Variants in GCSAML observed in about 807,000 individuals in gnomAD.
GCSAML encodes the protein germinal center associated signaling and motility like.
In GCSAML, 9 loss-of-function variants were observed where a neutral mutation model predicts 13.0. The ratio of observed to expected loss-of-function variants is 0.69; its 90% CI spans 0.42 to 1.21. GCSAML has a LOEUF of 1.21. GCSAML is among the 50% of genes most tolerant of loss of function. The pLI, the probability that GCSAML is intolerant of heterozygous loss-of-function variation, is 0.00. For missense variants in GCSAML, 143 were observed against 153.4 expected, an observed-to-expected ratio of 0.93 and a Z score of 0.36; for synonymous variants, 37 against 52.9, an observed-to-expected ratio of 0.70 and a Z score of 1.31.
chr1:247,521,511 C>T (rs1666425264), intron 1 of GCSAML, among the ~76,000 whole-genome samples: 1 of 152,160 alleles, frequency 6.6e-6, no homozygotes, highest in South Asian at 2.1e-4. Flanking sequence ...CTGCCCAGTG[C>T]CTGGGATTGC....
At chr1:247,555,299 C>T (rs1485691386) in intron 1 of GCSAML, among the ~76,000 whole-genome samples, 1 of 152,106 alleles carries the variant, frequency 6.6e-6, no homozygotes, top group Non-Finnish European at 1.5e-5. Context: ...GAAAACTAGA[C>T]TCCAGGAAAA....
At chr1:247,546,504 G>T (rs1027541478), upstream of GCSAML, among the ~76,000 whole-genome samples, 1 of 151,940 alleles carries the variant, frequency 6.6e-6, no homozygotes, top group African/African-American at 2.4e-5. Flanking sequence ...GACTACAGGT[G>T]CCCGCCACCA....
At chr1:247,570,684 G>A (rs1668571260) in intron 4 of GCSAML, among the ~76,000 whole-genome samples, 1 of 152,178 alleles carries the variant, frequency 6.6e-6, no homozygotes, top group Admixed American at 6.6e-5. Context: ...TATATATTTT[G>A]TTGATTTGGG....
intron 2 of GCSAML, chr1:247,531,780 G>T (rs1453494553): frequency 5.0e-6 from 8 of 1,614,162 alleles, no homozygotes; most frequent in Non-Finnish European, 6.8e-6. Flanking sequence ...CAGCCACGTG[G>T]GAAGAACAGG....
At position 247,565,974 on chromosome 1, in the gene GCSAML, A is replaced by G; in HGVS notation, c.168+15A>G. 6.5e-7 allele frequency: 1 copy of G among 1,535,790 alleles called. No individual in the cohort carries two copies. Reference sequence around the variant, plus strand: ...CTTCTAATCAGGTAAGTAGAAAACAAAAAGCAAGACAAAAGAAAAACACAA... The same window carrying G: ...CTTCTAATCAGGTAAGTAGAAAACAGAAAGCAAGACAAAAGAAAAACACAA... On this transcript the variant is annotated intron_variant, in intron 4 of 4. Coordinates refer to ENST00000366488, the MANE Select transcript of GCSAML (RefSeq NM_145278.5).
intron 2 of GCSAML, among the ~76,000 whole-genome samples, chr1:247,559,801 G>T (rs372028663): frequency 6.6e-6 from 1 of 152,122 alleles, no homozygotes; most frequent in African/African-American, 2.4e-5. Flanking sequence ...CTGAGTCTTC[G>T]TATTGTCTTC....
At chr1:247,556,292 T>C in intron 1 of GCSAML, 115 bp from the exon 2 acceptor site, 1 of 713,550 alleles carries the variant, frequency 1.4e-6, no homozygotes, top group East Asian at 2.5e-5. Context: ...GAAAGGGAAG[T>C]TTGTCAAAAA....
chr1:247,574,030 C>T, intron 4 of GCSAML, 113 bp from the exon 5 acceptor site: 1 of 1,217,892 alleles, frequency 8.2e-7, no homozygotes, highest in Non-Finnish European at 1.2e-6. Context: ...GTTTTGGATA[C>T]CTTAAGTGTA....
intron 1 of GCSAML, among the ~76,000 whole-genome samples, chr1:247,552,858 C>T (rs1310762372): frequency 6.6e-6 from 1 of 152,210 alleles, no homozygotes; most frequent in African/African-American, 2.4e-5. Flanking sequence ...CAGGTTCAAG[C>T]GATTCTTCTG....
chr1:247,525,554 A>G (rs1226645679), intron 1 of GCSAML: 1 of 152,254 alleles, frequency 6.6e-6, no homozygotes, highest in Non-Finnish European at 1.5e-5. Context: ...GAAGAGATGC[A>G]TAGGGTGAGG....
upstream of GCSAML, among the ~76,000 whole-genome samples, chr1:247,545,291 A>C (rs1201715514): frequency 4.6e-5 from 7 of 152,152 alleles, no homozygotes; most frequent in Admixed American, 4.6e-4. Context: ...AAGATCTCCT[A>C]CTCCTCTGGT....
rs562070857 is a variant in GCSAML, at chr1:247,575,674, C to G, written c.*1292C>G. The G allele has an allele frequency of 9.2e-5, 14 of 152,150 alleles. No individual in the cohort carries two copies. The Middle Eastern group carries it at 0.01, about 111-fold the overall frequency. The allele number at this position is 152,150 out of a possible 1,614,324, so 9.4% of individuals were successfully genotyped here. A position where few individuals can be genotyped will look rare whatever the true frequency, so the allele number is the denominator to read the frequency against. ...TATAATTGTCAATTTTTTCAATTTT[C>G]TAGCCAACAGAGAATCGAAGGATTC... On this transcript the variant is annotated 3_prime_UTR_variant, in exon 5 of 5. Coordinates refer to ENST00000366488, the MANE Select transcript of GCSAML (RefSeq NM_145278.5).
chr1:247,515,791 G>A (rs997480770), intron 1 of GCSAML, among the ~76,000 whole-genome samples: 1 of 152,182 alleles, frequency 6.6e-6, no homozygotes, highest in Non-Finnish European at 1.5e-5. Flanking sequence ...TCATGATCCA[G>A]TCACCTCCCA....
intron 1 of GCSAML, among the ~76,000 whole-genome samples, chr1:247,517,712 C>G (rs1191718079): frequency 6.6e-6 from 1 of 152,182 alleles, no homozygotes; most frequent in Non-Finnish European, 1.5e-5. Context: ...TCTTGCCCTT[C>G]AGTGCTAGAT....
At position 247,554,233 on chromosome 1, in the gene GCSAML, T is replaced by C. The variant is rs113950927; in HGVS notation, c.30-2174T>C. Among the ~76,000 whole-genome samples the C allele has an allele frequency of 8.4e-3, 1,276 of 152,298 alleles. 15 individuals are homozygous for C. The highest frequency in any genetic ancestry group is 0.029 in the African/African-American group (1,216 of 41,592). ...TTGATGTTATTCATGTGTCAGTTTT[T>C]ATATTTCATTTTTTCCAAGATATTA... is the stretch of plus-strand genomic sequence containing the variant. On this transcript the variant is annotated intron_variant, in intron 1 of 4. Coordinates refer to ENST00000366488, the MANE Select transcript of GCSAML (RefSeq NM_145278.5).
chr1:247,563,157 A>G (rs988231234), intron 2 of GCSAML, among the ~76,000 whole-genome samples: 10 of 152,068 alleles, frequency 6.6e-5, no homozygotes, highest in African/African-American at 2.4e-4. Context: ...CACCACACTT[A>G]TTAATGTCTA....
rs369216325 is a variant in GCSAML at position 247,523,149 on chromosome 1, A to T, written c.-262-3791A>T. ...TGGGGTTGGCAACCTCCTACAGAAC[A>T]GATGCCCCTTCAACCTATATACACT... On this transcript the variant is annotated intron_variant, in intron 1 of 5. Coordinates refer to the GCSAML transcript ENST00000366489. Among the ~76,000 whole-genome samples, 250 of 152,322 alleles carry T rather than the reference A, an allele frequency of 1.6e-3. 1 individual carries two copies. Among genetic ancestry groups the T allele is most frequent in the African/African-American group, 5.7e-3 (238 of 41,576 alleles).
intron 2 of GCSAML, chr1:247,531,443 A>G: frequency 1.8e-6 from 2 of 1,113,668 alleles, no homozygotes; most frequent in Non-Finnish European, 2.6e-6. Flanking sequence ...ATCTACCTTG[A>G]GCTCAAACAA....
intron 2 of GCSAML, 21 bp downstream of exon 2, chr1:247,556,487 A>G (rs771104018): frequency 2.5e-6 from 4 of 1,577,484 alleles, no homozygotes; most frequent in Non-Finnish European, 3.5e-6. Context: ...AGCATCTCAG[A>G]GTTTTTTTGT....
Sources: allele counts gnomAD v4.1 joint callset (sites outside exome capture counted in the v4.1 genomes callset), GRCh38; gene constraint gnomAD v4.1.1; transcripts MANE v1.5; gene names NCBI Gene and HGNC (gene_info 2026-07-23, HGNC 2026-07-21).